The following PCDH15 variants were observed in gnomAD, a reference collection of about 807,000 sequenced individuals.
PCDH15 encodes protocadherin related 15.
In PCDH15, 129 loss-of-function variants were observed where a neutral mutation model predicts 178.5. That is an observed-to-expected ratio of 0.72 (90% CI 0.63 to 0.84). The LOEUF is 0.84. Ranked by LOEUF, PCDH15 falls within the 40% of genes least tolerant of loss-of-function variation. The probability of loss-of-function intolerance (pLI) is 0.00; values close to 1 mark genes in which losing one functional copy is unlikely to be tolerated. For missense variants in PCDH15, 2,230 were observed against 2,099.9 expected, an observed-to-expected ratio of 1.06 and a Z score of -1.21; for synonymous variants, 800 against 732.0, an observed-to-expected ratio of 1.09 and a Z score of -1.50.
chr10:53,904,699 G>T (rs1438833154), intron 25 of PCDH15, among the ~76,000 whole-genome samples: 1 of 152,072 alleles, frequency 6.6e-6, no homozygotes, highest in Non-Finnish European at 1.5e-5. Context: ...CCAGGGCTCT[G>T]ACTTGTACCT....
In PCDH15 at chr10:53,803,644, T is replaced by C. The variant is rs773437620; in HGVS notation, c.*2935A>G. 1 of 151,890 alleles carries C rather than the reference T, an allele frequency of 6.6e-6. No individual in the cohort carries two copies. Among genetic ancestry groups the C allele is most frequent in the Non-Finnish European group, 1.5e-5 (1 of 67,876 alleles). The allele number at this position is 151,890 out of a possible 1,614,324, so 9.4% of individuals were successfully genotyped here. ...GTCTGTAATTAATGAGAAAGACAAA[T>C]TGAGAGAGGGAGATTAACACCTGTG... On this transcript the variant is annotated 3_prime_UTR_variant, in exon 38 of 38. Coordinates refer to ENST00000644397, the MANE Select transcript of PCDH15 (RefSeq NM_001384140.1).
intron 2 of PCDH15, among the ~76,000 whole-genome samples, chr10:55,359,757 C>T (rs1250649005): frequency 2.1e-5 from 3 of 143,894 alleles, no homozygotes; most frequent in South Asian, 2.1e-4. Context: ...TACACACACA[C>T]ACACACACAC....
chr10:55,247,095 T>C (rs1841696239), intron 1 of PCDH15, among the ~76,000 whole-genome samples: 1 of 152,206 alleles, frequency 6.6e-6, no homozygotes, highest in Non-Finnish European at 1.5e-5. Context: ...ATTTTTGAAC[T>C]ATTTTTATCT....
chr10:54,363,715 T>C (rs183450838), intron 5 of PCDH15, among the ~76,000 whole-genome samples: 11 of 152,280 alleles, frequency 7.2e-5, no homozygotes, highest in Non-Finnish European at 1.6e-4. Context: ...AATTTACTTA[T>C]CTACCAACAA....
At chr10:54,174,621 T>C (rs1053254587) in intron 13 of PCDH15, among the ~76,000 whole-genome samples, 1 of 151,544 alleles carries the variant, frequency 6.6e-6, no homozygotes, top group Non-Finnish European at 1.5e-5. Context: ...AGTAAATGAG[T>C]ATGTTTCAAG....
At chr10:54,420,469 A>G (rs779641987) in intron 3 of PCDH15, among the ~76,000 whole-genome samples, 19 of 152,094 alleles carry the variant, frequency 1.2e-4, no homozygotes, top group Non-Finnish European at 2.2e-4. Context: ...TTCACCCAAG[A>G]AAAGTGAATT....
chr10:55,544,154 ATATATATATATATATATATATT>A (rs1432476954), intron 2 of PCDH15, among the ~76,000 whole-genome samples: 2 of 140,456 alleles, frequency 1.4e-5, no homozygotes, highest in African/African-American at 5.2e-5. Flanking sequence ...ATATATATAT[ATATATATATATATATATATATT>A]ATACTGACAG....
intron 3 of PCDH15, among the ~76,000 whole-genome samples, chr10:54,495,415 G>C (rs895301030): frequency 2.6e-5 from 4 of 152,114 alleles, no homozygotes; most frequent in Admixed American, 2.0e-4. Flanking sequence ...TTAAGAGATT[G>C]TTGTGATAAC....
At chr10:54,982,181 G>A (rs1017644) in intron 2 of PCDH15, among the ~76,000 whole-genome samples, 169 of 152,150 alleles carry the variant, frequency 1.1e-3, no homozygotes, top group Admixed American at 9.8e-3. Context: ...TCAATAAAGA[G>A]ACGTAAAGTG....
At chr10:55,126,732 T>C (rs1480843791) in intron 2 of PCDH15, among the ~76,000 whole-genome samples, 3 of 151,968 alleles carry the variant, frequency 2.0e-5, no homozygotes, top group African/African-American at 7.2e-5. Context: ...TAGATATCAG[T>C]TGATATTTGA....
At chr10:55,385,693 C>CTATATATA (rs57143868) in intron 2 of PCDH15, among the ~76,000 whole-genome samples, 4,414 of 128,526 alleles carry the variant, frequency 0.034, 101 homozygotes, top group Middle Eastern at 0.05. Context: ...CTTCCTCTGC[C>CTATATATA]TATATATATA....
chr10:55,387,893 T>G (rs1370324927), intron 2 of PCDH15, among the ~76,000 whole-genome samples: 4 of 152,072 alleles, frequency 2.6e-5, no homozygotes, highest in Non-Finnish European at 5.9e-5. Flanking sequence ...TGGCTTAGTT[T>G]CCAATGTCTA....
At chr10:53,868,327 A>G (rs1362334957) in intron 26 of PCDH15, among the ~76,000 whole-genome samples, 4 of 152,092 alleles carry the variant, frequency 2.6e-5, no homozygotes, top group Non-Finnish European at 5.9e-5. Flanking sequence ...GCTAAGAATC[A>G]TACAAAATAC....
chr10:54,941,900 T>G (rs1838072911), intron 2 of PCDH15, among the ~76,000 whole-genome samples: 1 of 152,096 alleles, frequency 6.6e-6, no homozygotes, highest in Non-Finnish European at 1.5e-5. Context: ...ATGCAGTAAC[T>G]GCTTTAGTCA....
intron 18 of PCDH15, among the ~76,000 whole-genome samples, chr10:54,024,672 GA>G (rs1441118286): frequency 6.6e-6 from 1 of 152,130 alleles, no homozygotes; most frequent in Non-Finnish European, 1.5e-5. Flanking sequence ...AGAAAAGATA[GA>G]AGAATTGCAG....
At chr10:54,677,458 A>G (rs2094811393) in intron 1 of PCDH15, among the ~76,000 whole-genome samples, 1 of 152,118 alleles carries the variant, frequency 6.6e-6, no homozygotes, top group South Asian at 2.1e-4. Context: ...TATAATGATA[A>G]TAGCGTGTGT....
intron 2 of PCDH15, among the ~76,000 whole-genome samples, chr10:54,630,814 A>G (rs1003016930): frequency 6.6e-6 from 1 of 152,146 alleles, no homozygotes; most frequent in Non-Finnish European, 1.5e-5. Flanking sequence ...AAAAGTGAAA[A>G]AACAAATAAG....
chr10:54,317,977 G>T (rs7922586), intron 7 of PCDH15, among the ~76,000 whole-genome samples: 68,833 of 152,002 alleles, frequency 0.45, 16,283 homozygotes, highest in Middle Eastern at 0.6. Flanking sequence ...TTACCTAACA[G>T]TTCACATTAC....
chr10:55,378,333 G>A (rs1026723020), intron 2 of PCDH15, among the ~76,000 whole-genome samples: 3 of 152,090 alleles, frequency 2.0e-5, no homozygotes, highest in Non-Finnish European at 2.9e-5. Context: ...AATTGTCAAA[G>A]AAGGGAGAAT....
Sources: gnomAD v4.1 joint callset for allele counts (sites outside exome capture counted in the v4.1 genomes callset) on GRCh38, gnomAD v4.1.1 for gene constraint, MANE v1.5 for transcripts, NCBI Gene and HGNC (gene_info 2026-07-23, HGNC 2026-07-21) for gene names.